Variants in USP43 observed in about 807,000 individuals in gnomAD.
USP43 encodes the protein ubiquitin carboxyl-terminal hydrolase 43.
Under a neutral mutation model 90.7 loss-of-function variants are expected in USP43, and 33 were observed. The ratio of observed to expected loss-of-function variants is 0.36; its 90% CI spans 0.28 to 0.49. USP43 has a LOEUF of 0.49. USP43 is among the 20% of genes least tolerant of loss of function. The probability of loss-of-function intolerance (pLI) is 0.98; values close to 1 mark genes in which losing one functional copy is unlikely to be tolerated. For missense variants in USP43, 1,274 were observed against 1,476.4 expected (o/e 0.86, Z 2.25); for synonymous variants, 598 against 615.8 (o/e 0.97, Z 0.43).
At chr17:9,691,122 CTT>C (rs146377547) in intron 8 of USP43, among the ~76,000 whole-genome samples, 5,976 of 131,316 alleles carry the variant, frequency 0.046, 343 homozygotes, top group African/African-American at 0.15. Flanking sequence ...TTTTTTTTTT[CTT>C]TTTTTTTGAG....
chr17:9,669,096 G>A (rs866919549), intron 3 of USP43, among the ~76,000 whole-genome samples: 8 of 151,758 alleles, frequency 5.3e-5, no homozygotes, highest in South Asian at 2.1e-4. Context: ...CACCTGCCTC[G>A]GCCTCCCAAA....
Position 9,711,965 on chromosome 17 carries a change from C to T in USP43, c.2171-3C>T. ...AGCCTCCCTCTCTGTGTTTCCTCCA[C>T]AGGCTCTACCAGCTCCTCCCTGTCT... On this transcript the variant is annotated splice_polypyrimidine_tract_variant and splice_region_variant and intron_variant, in intron 13 of 14. Transcript: ENST00000285199. The T allele has an allele frequency of 6.3e-7, 1 of 1,596,316 alleles. No individual in the cohort carries two copies. The highest frequency in any genetic ancestry group is 2.3e-5 in the East Asian group (1 of 44,228).
chr17:9,680,387 A>T, intron 6 of USP43, 21 bp downstream of exon 6: 2 of 1,612,654 alleles, frequency 1.2e-6, no homozygotes, highest in Non-Finnish European at 1.7e-6. Flanking sequence ...TGCTTTGCAC[A>T]ATTTTATTTG....
chr17:9,650,929 AC>A (rs201282949), intron 1 of USP43, among the ~76,000 whole-genome samples: 2,753 of 152,094 alleles, frequency 0.018, 54 homozygotes, highest in African/African-American at 0.054. Context: ...ACTTTGGTGC[AC>A]CCGAGCAATG....
intron 14 of USP43, among the ~76,000 whole-genome samples, chr17:9,719,571 G>A (rs1403646792): frequency 6.6e-6 from 1 of 152,186 alleles, no homozygotes; most frequent in African/African-American, 2.4e-5. Context: ...CCTAGAAAGT[G>A]GTGGGGCTGA....
At chr17:9,707,420 G>C (rs1160084630) in intron 12 of USP43, among the ~76,000 whole-genome samples, 1 of 152,058 alleles carries the variant, frequency 6.6e-6, no homozygotes, top group Non-Finnish European at 1.5e-5. Flanking sequence ...GCCGAGGTGG[G>C]CGGACCACGA....
Position 9,701,137 on chromosome 17 carries a change from G to A in USP43, c.1554G>A (p.Gln518=), listed in dbSNP as rs1372697855. ...CGTGCAGCCTGTTCGGGAGCCTCCA[G>A]GAGGAGCGAGCGCAGGATGCCGACA... The part of the protein sequence containing the change: ...SVKERLFGSL[Q]EERAQDADSV... Residue 518 remains glutamine (Q), a synonymous_variant, in exon 11 of 15, where the codon CAG becomes CAA. Coordinates refer to ENST00000285199, the MANE Select transcript of USP43 (RefSeq NM_153210.5). The surrounding 1 kb of genome is among the most constrained non-coding windows in gnomAD (Gnocchi z 7.2). 1 of 1,486,676 alleles carries A rather than the reference G, an allele frequency of 6.7e-7. No individual in the cohort carries two copies. Among genetic ancestry groups the A allele is most frequent in the East Asian group, 2.4e-5 (1 of 41,246 alleles). The allele number at this position is 1,486,676 out of a possible 1,614,324, so 92.1% of individuals were successfully genotyped here. A position where few individuals can be genotyped will look rare whatever the true frequency, so the allele number is the denominator to read the frequency against.
intron 13 of USP43, 73 bp from the exon 14 acceptor site, chr17:9,711,895 T>A (rs1015940956): frequency 7.0e-7 from 1 of 1,437,378 alleles, no homozygotes; most frequent in Non-Finnish European, 9.2e-7. Flanking sequence ...GGGGATCTGG[T>A]TGTGAGATGC....
chr17:9,702,158 C>G (rs150138762), intron 12 of USP43, among the ~76,000 whole-genome samples: 1 of 151,046 alleles, frequency 6.6e-6, no homozygotes, highest in East Asian at 2.0e-4. Context: ...GCCAGGGGTT[C>G]AAGACCAGCC....
At chr17:9,679,880 C>T (rs1914048852) in intron 5 of USP43, among the ~76,000 whole-genome samples, 1 of 152,108 alleles carries the variant, frequency 6.6e-6, no homozygotes, top group South Asian at 2.1e-4. Flanking sequence ...TGTATGCAAT[C>T]ACGTGAAAAA....
intron 13 of USP43, among the ~76,000 whole-genome samples, chr17:9,711,003 G>A (rs1440644068): frequency 2.0e-5 from 3 of 151,724 alleles, no homozygotes; most frequent in African/African-American, 7.3e-5. Context: ...TCCTCAGCAG[G>A]TCTAAACCAA....
intron 12 of USP43, among the ~76,000 whole-genome samples, chr17:9,708,484 C>A (rs967845327): frequency 9.2e-5 from 14 of 152,122 alleles, no homozygotes; most frequent in Admixed American, 4.6e-4. Flanking sequence ...GAAGTAGAAT[C>A]AGTAGGTCTG....
Position 9,728,958 on chromosome 17 carries a change from C to T in USP43, c.3340C>T (p.Arg1114Ter), listed in dbSNP as rs747645380. The change falls in exon 15 of 15, where the codon CGA becomes TGA. Residue 1114 changes from arginine (R) to a stop codon, truncating the protein, a stop_gained. Coordinates refer to ENST00000285199, the MANE Select transcript of USP43 (RefSeq NM_153210.5). LOFTEE classifies it high-confidence loss of function. This position sits in a 1 kb window ranked among gnomAD's most constrained non-coding sequence, Gnocchi z 6.2. ...RVKYHTLSLG[R>*]KKTLPESSF ...CAAATATCACACTCTTTCTTTAGGT[C>T]GAAAGAAAACCTTACCGGAGTCCAG... 8 of 1,588,278 alleles carry T rather than the reference C, an allele frequency of 5.0e-6. No homozygotes were observed. Among genetic ancestry groups the T allele is most frequent in the South Asian group, 1.1e-5 (1 of 88,994 alleles).
rs539428844 is a variant in USP43 at position 9,678,587 on chromosome 17, G to T, written c.970-1644G>T. 2.6e-5 allele frequency among the ~76,000 whole-genome samples: 4 copies of T among 152,074 alleles called. No individual in the cohort carries two copies. In the South Asian group the frequency reaches 8.3e-4, roughly 32 times the overall value. On this transcript the variant is annotated intron_variant, in intron 5 of 14. Coordinates refer to ENST00000285199, the MANE Select transcript of USP43 (RefSeq NM_153210.5). ...GATCTCTTGACCTTGTGATCTGCCC[G>T]CCTCAACCTCCCAAAGTGTTGGGAT...
At chr17:9,705,493 G>T (rs551357756) in intron 12 of USP43, among the ~76,000 whole-genome samples, 1 of 151,986 alleles carries the variant, frequency 6.6e-6, no homozygotes. Context: ...GGTGGCTCAC[G>T]CCTGTAATCC....
intron 12 of USP43, among the ~76,000 whole-genome samples, chr17:9,704,697 G>A (rs1430674432): frequency 6.6e-6 from 1 of 151,928 alleles, no homozygotes; most frequent in Non-Finnish European, 1.5e-5. Context: ...TTTCTGACAC[G>A]CCCAGTACCG....
chr17:9,671,842 G>C (rs16958570), intron 3 of USP43, among the ~76,000 whole-genome samples: 29,111 of 151,966 alleles, frequency 0.19, 2,956 homozygotes, highest in East Asian at 0.32. Context: ...GGTAACATGG[G>C]CAGAACTTTT....
At chr17:9,647,114 G>T (rs1911483885) in intron 1 of USP43, 1 of 145,154 alleles carries the variant, frequency 6.9e-6, no homozygotes, top group Non-Finnish European at 1.5e-5. Context: ...GAAGAAACCC[G>T]CAGCTCTGGG....
chr17:9,685,288 A>G (rs1460866029), intron 7 of USP43, among the ~76,000 whole-genome samples: 1 of 152,218 alleles, frequency 6.6e-6, no homozygotes, highest in Non-Finnish European at 1.5e-5. Context: ...TGATTTGTCC[A>G]GGAGTACCCA....
Sources: allele counts gnomAD v4.1 joint callset (sites outside exome capture counted in the v4.1 genomes callset), GRCh38; gene constraint gnomAD v4.1.1; non-coding constraint Gnocchi (gnomAD v3.1); transcripts MANE v1.5; gene names NCBI Gene and HGNC (gene_info 2026-07-23, HGNC 2026-07-21).